The following MAN2A1 variants were observed in gnomAD, a reference collection of about 807,000 sequenced individuals.
The protein encoded by MAN2A1 is mannosidase alpha class 2A member 1.
Under a neutral mutation model 142.6 loss-of-function variants are expected in MAN2A1, and 76 were observed. That is an observed-to-expected ratio of 0.53 (90% CI 0.44 to 0.65). MAN2A1 has a LOEUF of 0.65. MAN2A1 is among the 30% of genes least tolerant of loss of function. The probability of loss-of-function intolerance (pLI) is 0.00; values close to 1 mark genes in which losing one functional copy is unlikely to be tolerated. For synonymous variants in MAN2A1, 559 were observed against 473.2 expected (o/e 1.18, Z -2.35); for missense variants, 1,311 against 1,365.1 (o/e 0.96, Z 0.62).
intron 12 of MAN2A1, among the ~76,000 whole-genome samples, chr5:109,793,371 A>G (rs967743549): frequency 6.6e-6 from 1 of 152,194 alleles, no homozygotes; most frequent in Non-Finnish European, 1.5e-5. Context: ...CTTTATTTCT[A>G]GCATCATGCC....
At chr5:109,781,689 G>A (rs1048823301) in intron 9 of MAN2A1, 91 bp downstream of exon 9, 5 of 823,224 alleles carry the variant, frequency 6.1e-6, no homozygotes, top group Admixed American at 3.3e-5. Context: ...CATCATTCAT[G>A]TAGTACATTA....
In MAN2A1 at chr5:109,710,900, G is replaced by T. The variant is rs34189691; in HGVS notation, c.136-2620G>T. Among the ~76,000 whole-genome samples the T allele has an allele frequency of 8.8e-3, 1,337 of 152,240 alleles. 4 individuals carry two copies. The highest frequency in any genetic ancestry group is 0.014 in the Non-Finnish European group (977 of 68,006). On this transcript the variant is annotated intron_variant, in intron 1 of 21. Transcript: ENST00000261483. ...AGACGGGGTTTCTCCATGTTGGCTAGGCTAGTCTCAAACTCCCGAACTCAG... is the reference window on the plus strand; with the variant it reads ...AGACGGGGTTTCTCCATGTTGGCTATGCTAGTCTCAAACTCCCGAACTCAG...
At chr5:109,736,035 T>G (rs1483972046) in intron 4 of MAN2A1, among the ~76,000 whole-genome samples, 2 of 152,128 alleles carry the variant, frequency 1.3e-5, no homozygotes, top group African/African-American at 4.8e-5. Flanking sequence ...GTGCTGCTAC[T>G]GGAACCAGAG....
At chr5:109,729,838 C>CA (rs1364184508) in intron 4 of MAN2A1, among the ~76,000 whole-genome samples, 6 of 152,100 alleles carry the variant, frequency 3.9e-5, no homozygotes, top group African/African-American at 1.2e-4. Flanking sequence ...ACTAAAAATA[C>CA]AAAAAAATTA....
chr5:109,760,011 A>C, intron 5 of MAN2A1, among the ~76,000 whole-genome samples: 1 of 151,806 alleles, frequency 6.6e-6, no homozygotes, highest in East Asian at 1.9e-4. Context: ...AGATACTTTA[A>C]GTTCTGGGAT....
intron 12 of MAN2A1, among the ~76,000 whole-genome samples, chr5:109,806,528 A>G (rs935712108): frequency 1.3e-5 from 2 of 152,240 alleles, no homozygotes; most frequent in Non-Finnish European, 2.9e-5. Flanking sequence ...TATTTGACTT[A>G]CTGCTTTGTC....
At chr5:109,814,648 T>A (rs1366304249) in intron 12 of MAN2A1, among the ~76,000 whole-genome samples, 1 of 152,188 alleles carries the variant, frequency 6.6e-6, no homozygotes, top group Non-Finnish European at 1.5e-5. Context: ...AGTAGAAACA[T>A]CGTTATGGTC....
chr5:109,800,727 G>A (rs1213747954), intron 12 of MAN2A1, among the ~76,000 whole-genome samples: 2 of 152,136 alleles, frequency 1.3e-5, no homozygotes, highest in Non-Finnish European at 2.9e-5. Context: ...TGAAATTTGT[G>A]TTTTCAAGTT....
chr5:109,706,591 A>G (rs1417493257), intron 1 of MAN2A1, among the ~76,000 whole-genome samples: 1 of 152,216 alleles, frequency 6.6e-6, no homozygotes, highest in Non-Finnish European at 1.5e-5. Context: ...CTTAGCCATT[A>G]AGCTGAATTG....
Position 109,729,507 on chromosome 5 carries a change from T to G in MAN2A1, c.701T>G (p.Val234Gly). 6.7e-7 allele frequency: 1 copy of G among 1,493,488 alleles called. No individual in the cohort carries two copies. The allele number at this position is 1,493,488 out of a possible 1,614,324, so 92.5% of individuals were successfully genotyped here. ...DIIDIQKKDAVKSLIENGQLE... is the reference protein window; with the variant it reads ...DIIDIQKKDAGKSLIENGQLE... ...ATAGATATTCAGAAGAAGGATGCTG[T>G]TAAAAGGTTTGTTTTAAAACTTTTT... The change falls in exon 4 of 22, where the codon GTT (valine) becomes GGT (glycine). Residue 234 changes from valine to glycine, a missense_variant. Physicochemically the swap from Val to Gly is moderately radical, Grantham distance 109. Around this residue, in one of 3 missense-constraint regions of MAN2A1, gnomAD observed 409 missense variants for 412.7 expected, o/e 0.99. Transcript: ENST00000261483.
Position 109,713,603 on chromosome 5 carries a change from A to C in MAN2A1, c.219A>C (p.Arg73Ser). 1 of 1,614,196 alleles carries C rather than the reference A, an allele frequency of 6.2e-7. No individual in the cohort carries two copies. The highest frequency in any genetic ancestry group is 8.5e-7 in the Non-Finnish European group (1 of 1,180,002). Residue 73 changes from arginine to serine, a missense_variant, in exon 2 of 22, where the codon AGA becomes AGC. By Grantham distance (110) the Arg-to-Ser change is moderately radical. Transcript: ENST00000261483. ...ATAATGAGATCATCTCAAATATTAG[A>C]GACTCAGTCATCAATTTGAGTGAGT... Reference protein sequence around the residue: ...AENNEIISNIRDSVINLSESV... With the variant: ...AENNEIISNISDSVINLSESV...
intron 1 of MAN2A1, among the ~76,000 whole-genome samples, chr5:109,690,874 G>C (rs1750650890): frequency 1.3e-5 from 2 of 152,090 alleles, no homozygotes; most frequent in South Asian, 4.1e-4. Flanking sequence ...GGCGCGGCGT[G>C]AGGCACCCCC....
intron 18 of MAN2A1, among the ~76,000 whole-genome samples, chr5:109,846,784 C>A (rs557603299): frequency 6.6e-6 from 1 of 152,116 alleles, no homozygotes; most frequent in African/African-American, 2.4e-5. Flanking sequence ...CACACACACA[C>A]AAAAACTGCT....
At position 109,852,158 on chromosome 5, in the gene MAN2A1, C is replaced by A. The variant is rs1014571987; in HGVS notation, c.2977-2982C>A. On this transcript the variant is annotated intron_variant, in intron 19 of 21. Transcript: ENST00000261483. ...TGGCTTAAAAACAAAAAAAAAAAAACATTTTAATACCATACAGACCTACCA... is the reference window on the plus strand; with the variant it reads ...TGGCTTAAAAACAAAAAAAAAAAAAAATTTTAATACCATACAGACCTACCA... Among the ~76,000 whole-genome samples, 147 of 140,386 alleles carry A rather than the reference C, an allele frequency of 1.0e-3. 1 individual carries two copies. The highest frequency in any genetic ancestry group is 3.5e-3 in the African/African-American group (132 of 37,746). The allele number at this position is 140,386 out of a possible 152,430, so 92.1% of individuals were successfully genotyped here. A position where few individuals can be genotyped will look rare whatever the true frequency, so the allele number is the denominator to read the frequency against.
intron 4 of MAN2A1, among the ~76,000 whole-genome samples, chr5:109,750,873 A>C (rs372954931): frequency 1.3e-5 from 2 of 152,056 alleles, no homozygotes; most frequent in Admixed American, 1.3e-4. Flanking sequence ...ATATTTGTAC[A>C]TATTTATGGG....
intron 12 of MAN2A1, among the ~76,000 whole-genome samples, chr5:109,800,552 A>G (rs1468720457): frequency 2.0e-5 from 3 of 152,342 alleles, no homozygotes; most frequent in Admixed American, 6.5e-5. Flanking sequence ...TATCATGTGA[A>G]CAAATATTTT....
intron 12 of MAN2A1, among the ~76,000 whole-genome samples, chr5:109,806,149 G>A (rs1429838074): frequency 3.9e-5 from 6 of 152,156 alleles, no homozygotes; most frequent in African/African-American, 1.4e-4. Flanking sequence ...CAGGGGGAGG[G>A]TAATGGGATT....
intron 12 of MAN2A1, among the ~76,000 whole-genome samples, chr5:109,795,914 A>G (rs891826174): frequency 1.3e-5 from 2 of 152,134 alleles, no homozygotes; most frequent in African/African-American, 2.4e-5. Context: ...TTCAGTGCCC[A>G]TGGTAATGTG....
Position 109,846,836 on chromosome 5 carries a change from A to G in MAN2A1, c.2843-821A>G, listed in dbSNP as rs575962345. Among the ~76,000 whole-genome samples, 25 of 152,292 alleles carry G rather than the reference A, an allele frequency of 1.6e-4. No homozygotes were observed. The South Asian group carries it at 4.4e-3, about 27-fold the overall frequency. On this transcript the variant is annotated intron_variant, in intron 18 of 21. Transcript: ENST00000261483. ...TGTGGCCTTCATTAGATAAGATCAT[A>G]TAAACTCATGCCATAAAGACATGAA...
Sources: allele counts gnomAD v4.1 joint callset (sites outside exome capture counted in the v4.1 genomes callset), GRCh38; gene constraint gnomAD v4.1.1; regional missense constraint gnomAD v4.1.1; transcripts MANE v1.5; gene names NCBI Gene and HGNC (gene_info 2026-07-23, HGNC 2026-07-21).